DTNA: variants seen among roughly 807,000 people sequenced by gnomAD.
DTNA encodes dystrophin-related protein 3.
A neutral mutation model predicts 100.7 loss-of-function variants in DTNA; 43 were observed. That is an observed-to-expected ratio of 0.43 (90% CI 0.33 to 0.55). DTNA has a LOEUF of 0.55. DTNA is among the 20% of genes least tolerant of loss of function. DTNA has a pLI of 0.04. For missense variants in DTNA, 798 were observed against 953.9 expected (o/e 0.84, Z 2.15); for synonymous variants, 349 against 347.9 (o/e 1.00, Z -0.04).
intron 1 of DTNA, among the ~76,000 whole-genome samples, chr18:34,727,090 T>C (rs1600911010): frequency 6.6e-6 from 1 of 152,206 alleles, no homozygotes; most frequent in African/African-American, 2.4e-5. Context: ...AGCGGCAGCC[T>C]GAGCTGTACC....
At chr18:34,610,930 G>A (rs530530452) in intron 1 of DTNA, among the ~76,000 whole-genome samples, 3 of 152,222 alleles carry the variant, frequency 2.0e-5, no homozygotes, top group African/African-American at 4.8e-5. Flanking sequence ...ATAGGGAAAG[G>A]CTGATGTCAC....
At chr18:34,582,002 A>C (rs533078073) in intron 1 of DTNA, among the ~76,000 whole-genome samples, 1 of 152,204 alleles carries the variant, frequency 6.6e-6, no homozygotes, top group Non-Finnish European at 1.5e-5. Flanking sequence ...TTTAAAAGCT[A>C]TAACGCAAAC....
chr18:34,845,092 A>G (rs966497711), intron 13 of DTNA, among the ~76,000 whole-genome samples: 1 of 152,198 alleles, frequency 6.6e-6, no homozygotes, highest in East Asian at 1.9e-4. Flanking sequence ...ATTGGTATTT[A>G]TTTTAATGAT....
chr18:34,704,066 T>A (rs965871932), intron 1 of DTNA, among the ~76,000 whole-genome samples: 1 of 152,248 alleles, frequency 6.6e-6, no homozygotes, highest in African/African-American at 2.4e-5. Flanking sequence ...CTTGCTTTAT[T>A]TTCTCATATT....
intron 13 of DTNA, among the ~76,000 whole-genome samples, chr18:34,842,507 C>A (rs2096286592): frequency 6.6e-6 from 1 of 152,148 alleles, no homozygotes; most frequent in South Asian, 2.1e-4. Flanking sequence ...GGTGTACAAA[C>A]CTGCATGTGA....
At chr18:34,785,106 G>A (rs529369653) in intron 3 of DTNA, among the ~76,000 whole-genome samples, 3 of 151,824 alleles carry the variant, frequency 2.0e-5, no homozygotes, top group African/African-American at 7.3e-5. Context: ...GTAGAGACAG[G>A]GTTTCACCGT....
intron 1 of DTNA, among the ~76,000 whole-genome samples, chr18:34,751,020 G>T (rs1454306282): frequency 6.6e-6 from 1 of 152,104 alleles, no homozygotes; most frequent in Non-Finnish European, 1.5e-5. Flanking sequence ...CCCATACATG[G>T]GGGCAAAGAG....
chr18:34,560,317 C>G (rs1373960561), intron 1 of DTNA, among the ~76,000 whole-genome samples: 1 of 152,108 alleles, frequency 6.6e-6, no homozygotes, highest in Non-Finnish European at 1.5e-5. Flanking sequence ...CTGGGTGCTA[C>G]AAATATTTGT....
Position 34,538,041 on chromosome 18 carries a change from C to T in DTNA, c.-2+44527C>T, listed in dbSNP as rs148387430. On this transcript the variant is annotated intron_variant, in intron 1 of 19. Coordinates refer to the DTNA transcript ENST00000283365. ...AAGAAATAAATTCATTCACTATACACTTGAACACATCAAATGATCTGAATT... is the reference window on the plus strand; with the variant it reads ...AAGAAATAAATTCATTCACTATACATTTGAACACATCAAATGATCTGAATT... 8.3e-3 allele frequency among the ~76,000 whole-genome samples: 1,257 copies of T among 152,076 alleles called. 3 individuals carry two copies. The highest frequency in any genetic ancestry group is 0.028 in the South Asian group (137 of 4,826).
At chr18:34,821,179 C>T (rs546088867) in intron 9 of DTNA, 20 of 591,390 alleles carry the variant, frequency 3.4e-5, no homozygotes, top group Non-Finnish European at 5.7e-5. Flanking sequence ...TTATAAAATA[C>T]GGATGTTAGT....
intron 1 of DTNA, among the ~76,000 whole-genome samples, chr18:34,599,960 G>A (rs1297095757): frequency 6.6e-6 from 1 of 152,160 alleles, no homozygotes; most frequent in Non-Finnish European, 1.5e-5. Context: ...TTACAGGTGT[G>A]AGCCACCGTG....
intron 1 of DTNA, among the ~76,000 whole-genome samples, chr18:34,713,878 A>C (rs1268771706): frequency 6.6e-6 from 1 of 151,802 alleles, no homozygotes; most frequent in Non-Finnish European, 1.5e-5. Context: ...ATTCTCTTTG[A>C]AGCAATTGTG....
intron 1 of DTNA, among the ~76,000 whole-genome samples, chr18:34,748,587 G>T (rs1335546963): frequency 1.3e-5 from 2 of 152,026 alleles, no homozygotes. Context: ...TTTATGTTTT[G>T]TATGCTTTGT....
At chr18:34,636,028 A>C (rs2058632509) in intron 1 of DTNA, among the ~76,000 whole-genome samples, 1 of 152,218 alleles carries the variant, frequency 6.6e-6, no homozygotes, top group Non-Finnish European at 1.5e-5. Context: ...AATCAGTTGC[A>C]CAGATGTTTC....
At chr18:34,565,637 T>C (rs1485193673) in intron 1 of DTNA, among the ~76,000 whole-genome samples, 1 of 152,190 alleles carries the variant, frequency 6.6e-6, no homozygotes, top group Non-Finnish European at 1.5e-5. Flanking sequence ...ATAATTCCAA[T>C]CTCTGCCTTC....
intron 1 of DTNA, among the ~76,000 whole-genome samples, chr18:34,597,783 C>A (rs371247722): frequency 3.3e-5 from 5 of 150,988 alleles, no homozygotes; most frequent in Non-Finnish European, 4.4e-5. Context: ...CCCGCCCCCC[C>A]AGAATGCCTA....
Position 34,817,230 on chromosome 18 carries a change from C to T in DTNA, c.710-934C>T, listed in dbSNP as rs541488866. ...TATGACACTTGTTTAGAAGACAATG[C>T]GTCCAGAGCTAGTTATGTCTTTGTT... On this transcript the variant is annotated intron_variant, in intron 7 of 22. Transcript: ENST00000444659. Among the ~76,000 whole-genome samples, 3 of 152,306 alleles carry T rather than the reference C, an allele frequency of 2.0e-5. No individual in the cohort carries two copies. In the South Asian group the frequency reaches 6.2e-4, roughly 32 times the overall value.
chr18:34,766,681 A>G (rs2093493258), intron 3 of DTNA, among the ~76,000 whole-genome samples: 1 of 152,194 alleles, frequency 6.6e-6, no homozygotes, highest in Non-Finnish European at 1.5e-5. Flanking sequence ...ATAATAATAA[A>G]ATAAAATAAA....
At chr18:34,656,952 C>G (rs1019877587) in intron 1 of DTNA, among the ~76,000 whole-genome samples, 1 of 152,204 alleles carries the variant, frequency 6.6e-6, no homozygotes. Flanking sequence ...TCTCGGCTCA[C>G]TGCAACCTCC....
Sources: gnomAD v4.1 joint callset for allele counts (sites outside exome capture counted in the v4.1 genomes callset) on GRCh38, gnomAD v4.1.1 for gene constraint, MANE v1.5 for transcripts, NCBI Gene and HGNC (gene_info 2026-07-23, HGNC 2026-07-21) for gene names.